Variants in STRAP observed in about 807,000 individuals in gnomAD.
STRAP encodes serine/threonine kinase receptor associated protein.
In STRAP, 16 loss-of-function variants were observed where a neutral mutation model predicts 47.0. The ratio of observed to expected loss-of-function variants is 0.34; its 90% confidence interval spans 0.23 to 0.52. The LOEUF is 0.52. Among genes scored for constraint, STRAP ranks in the 20% least tolerant of loss-of-function variants. STRAP has a pLI of 0.96. For missense variants in STRAP, 293 were observed against 420.0 expected (o/e 0.70, Z 2.64); for synonymous variants, 130 against 142.7 (o/e 0.91, Z 0.63).
intron 2 of STRAP, among the ~76,000 whole-genome samples, chr12:15,886,309 C>G (rs948904949): frequency 6.6e-6 from 1 of 152,012 alleles, no homozygotes; most frequent in Non-Finnish European, 1.5e-5. Context: ...CCAACCTCAG[C>G]CTCCTGAATA....
At position 15,897,870 on chromosome 12, in the gene STRAP, A is replaced by G. The variant is rs773312361; in HGVS notation, c.639-12A>G. The G allele has an allele frequency of 6.7e-7, 1 of 1,497,042 alleles. No individual in the cohort carries two copies. The highest frequency in any genetic ancestry group is 1.5e-5 in the African/African-American group (1 of 68,706). 92.7% of individuals were successfully genotyped at this position (1,497,042 alleles called of 1,614,324 possible). Reference sequence around the variant, plus strand: ...TTCAAGATTTGTAAATACTACTTAAATTTTTTTTCAGTTTGGACCCAATTA... The same window carrying G: ...TTCAAGATTTGTAAATACTACTTAAGTTTTTTTTCAGTTTGGACCCAATTA... On this transcript the variant is annotated splice_polypyrimidine_tract_variant and intron_variant, in intron 6 of 9. Transcript: ENST00000419869.
rs1259712097 is a variant in STRAP, at chr12:15,890,658, A to G, written c.392A>G (p.Lys131Arg). 6.2e-7 allele frequency: 1 copy of G among 1,608,648 alleles called. No homozygotes were observed. Among genetic ancestry groups the G allele is most frequent in the Non-Finnish European group, 8.5e-7 (1 of 1,178,144 alleles). The stretch of plus-strand genomic sequence containing the variant: ...CTGTTACGCATATATGACTTGAACA[A>G]ACCTGAAGCAGGTAAGCATAATTTA... The part of the protein sequence containing the change: ...DKLLRIYDLN[K>R]PEAEPKEISG... Residue 131 changes from lysine (K) to arginine (R), a missense_variant, in exon 4 of 10, where the codon AAA (lysine) becomes AGA (arginine). Physicochemically the swap from Lys to Arg is conservative, Grantham distance 26 (BLOSUM62 2). This residue lies in a region of STRAP where 152 missense variants were observed against 183.0 expected (regional missense o/e 0.83). Transcript: ENST00000419869. This position sits in a 1 kb window ranked among gnomAD's most constrained non-coding sequence, Gnocchi z 4.5.
At position 15,899,950 on chromosome 12, in the gene STRAP, T is replaced by C. The variant is rs545723988; in HGVS notation, c.822T>C (p.Ser274=). The C allele has an allele frequency of 6.2e-7, 1 of 1,613,676 alleles. No individual in the cohort carries two copies. The highest frequency in any genetic ancestry group is 2.2e-5 in the East Asian group (1 of 44,826). ...HFGPIHCVRF[S]PDGELYASGS... ...GTCCTATTCACTGTGTGAGATTTAGTCCTGATGGAGAACTCTATGCCAGTG... is the reference window on the plus strand; with the variant it reads ...GTCCTATTCACTGTGTGAGATTTAGCCCTGATGGAGAACTCTATGCCAGTG... The change falls in exon 8 of 10, where the codon AGT becomes AGC. Residue 274 remains serine, a synonymous_variant. Coordinates refer to ENST00000419869, the MANE Select transcript of STRAP (RefSeq NM_007178.4).
Position 15,896,303 on chromosome 12 carries a change from A to G in STRAP, c.638+807A>G, listed in dbSNP as rs560684087. 6.6e-6 allele frequency among the ~76,000 whole-genome samples: 1 copy of G among 152,356 alleles called. No individual in the cohort carries two copies. Among genetic ancestry groups the G allele is most frequent in the Non-Finnish European group, 1.5e-5 (1 of 68,034 alleles). ...ATTTATTTTCACCTTAAAGTTTTAG[A>G]GAAGGAATAATCTTATTTCTGTTCC... On this transcript the variant is annotated intron_variant, in intron 6 of 9. Transcript: ENST00000419869. The surrounding 1 kb of genome is among the most constrained non-coding windows in gnomAD (Gnocchi z 4.1).
chr12:15,889,100 T>C (rs370807181), intron 2 of STRAP, among the ~76,000 whole-genome samples: 1 of 152,006 alleles, frequency 6.6e-6, no homozygotes, highest in African/African-American at 2.4e-5. Context: ...TGACCTGTTC[T>C]GATCTAAAAT....
At position 15,882,666 on chromosome 12, in the gene STRAP, G is replaced by A. The variant is rs775793878; in HGVS notation, c.-42G>A. 9 of 1,540,708 alleles carry A rather than the reference G, an allele frequency of 5.8e-6. No individual in the cohort carries two copies. Among genetic ancestry groups the A allele is most frequent in the Admixed American group, 1.8e-5 (1 of 55,796 alleles). On this transcript the variant is annotated 5_prime_UTR_variant, in exon 1 of 10. Transcript: ENST00000419869. ...AGCAGAAGAGAGAAAAGACAACGAC[G>A]ACCCTCAGCTCGCCAGTCCGGTCGC... is the stretch of plus-strand genomic sequence containing the variant.
intron 2 of STRAP, among the ~76,000 whole-genome samples, chr12:15,885,276 C>T (rs190500981): frequency 5.8e-4 from 88 of 150,598 alleles, no homozygotes; most frequent in Middle Eastern, 3.4e-3. Flanking sequence ...GCAACCTCCA[C>T]CTCCCGGGTT....
Position 15,896,723 on chromosome 12 carries a change from T to A in STRAP, c.639-1159T>A, listed in dbSNP as rs1159015431. ...GCACCACGGTGAATGTTCTAGCACA[T>A]CTCTGAGTGTTTCTTTACAGTAGAT... On this transcript the variant is annotated intron_variant, in intron 6 of 9. Transcript: ENST00000419869. The surrounding 1 kb of genome is among the most constrained non-coding windows in gnomAD (Gnocchi z 4.1). Among the ~76,000 whole-genome samples the A allele has an allele frequency of 6.6e-6, 1 of 152,232 alleles. No individual in the cohort carries two copies. The highest frequency in any genetic ancestry group is 2.4e-5 in the African/African-American group (1 of 41,470).
chr12:15,898,538 C>T (rs745962387), intron 7 of STRAP, among the ~76,000 whole-genome samples: 1 of 151,998 alleles, frequency 6.6e-6, no homozygotes, highest in African/African-American at 2.4e-5. Context: ...TTATTTTTAT[C>T]AGCTTTTTAT....
chr12:15,899,364 T>G (rs978142311), intron 7 of STRAP, among the ~76,000 whole-genome samples: 10 of 152,250 alleles, frequency 6.6e-5, no homozygotes, highest in Non-Finnish European at 1.0e-4. Context: ...ATACATTTTC[T>G]CATTAGGTTC....
chr12:15,895,274 C>A, intron 5 of STRAP, 85 bp from the exon 6 acceptor site: 1 of 1,029,782 alleles, frequency 9.7e-7, no homozygotes, highest in Non-Finnish European at 1.3e-6. Flanking sequence ...ATTGTTCTTT[C>A]GTTGGCTAAT....
rs191805897 is a variant in STRAP, at chr12:15,893,286, C to T, written c.404-761C>T. On this transcript the variant is annotated intron_variant, in intron 4 of 9. Transcript: ENST00000419869. ...ACCCTTATTTCTCATTATTTACTAT[C>T]AATAGCTGCTTGGATAAACGTCCCA... is the stretch of plus-strand genomic sequence containing the variant. 1.1e-4 allele frequency among the ~76,000 whole-genome samples: 16 copies of T among 151,832 alleles called. No homozygotes were observed. The East Asian group carries it at 2.9e-3, about 28-fold the overall frequency.
intron 9 of STRAP, among the ~76,000 whole-genome samples, chr12:15,901,860 CAAAA>C (rs71042273): frequency 3.6e-4 from 32 of 87,762 alleles, no homozygotes; most frequent in African/African-American, 6.5e-4. Flanking sequence ...GACTCTGTCT[CAAAA>C]AAAAAAAAAA....
At position 15,895,275 on chromosome 12, in the gene STRAP, G is replaced by A. The variant is rs11056697; in HGVS notation, c.501-84G>A. 16,480 of 1,041,900 alleles carry A rather than the reference G, an allele frequency of 0.016. 1,625 individuals are homozygous for A. In the African/African-American group the frequency reaches 0.23, roughly 14 times the overall value. The allele number at this position is 1,041,900 out of a possible 1,614,324, so 64.5% of individuals were successfully genotyped here. A position where few individuals can be genotyped will look rare whatever the true frequency, so the allele number is the denominator to read the frequency against. On this transcript the variant is annotated intron_variant, in intron 5 of 9. Coordinates refer to ENST00000419869, the MANE Select transcript of STRAP (RefSeq NM_007178.4). ...TTTCTGTAATTGTGATTGTTCTTTC[G>A]TTGGCTAATCTGCAGATGTAATTAG...
chr12:15,900,778 GAAAGACATACTATTTTT>G, intron 8 of STRAP, 152 bp from the exon 9 acceptor site: 1 of 463,408 alleles, frequency 2.2e-6, no homozygotes, highest in Non-Finnish European at 3.5e-6. Flanking sequence ...TAATTTTAAA[GAAAGACATACTATTTTT>G]AGAATCACAG....
At chr12:15,884,692 G>A (rs918756169) in intron 2 of STRAP, among the ~76,000 whole-genome samples, 2 of 152,118 alleles carry the variant, frequency 1.3e-5, no homozygotes, top group East Asian at 3.8e-4. Flanking sequence ...GAACTACTGT[G>A]CCTGGTACAG....
rs901089290 is a variant in STRAP, at chr12:15,890,067, T to C, written c.330+58T>C. The C allele has an allele frequency of 7.0e-7, 1 of 1,418,944 alleles. No homozygotes were observed. The highest frequency in any genetic ancestry group is 1.0e-6 in the Non-Finnish European group (1 of 1,003,560). 87.9% of individuals were successfully genotyped at this position (1,418,944 alleles called of 1,614,324 possible). A position where few individuals can be genotyped will look rare whatever the true frequency, so the allele number is the denominator to read the frequency against. On this transcript the variant is annotated intron_variant, in intron 3 of 9. Transcript: ENST00000419869. This position sits in a 1 kb window ranked among gnomAD's most constrained non-coding sequence, Gnocchi z 4.5. ...AAGTTGCTGGTACATAGTGTGATAATGCTTTTATACTTGATTGGTGTGTAT... is the reference window on the plus strand; with the variant it reads ...AAGTTGCTGGTACATAGTGTGATAACGCTTTTATACTTGATTGGTGTGTAT...
rs1273534861 is a variant in STRAP at position 15,896,933 on chromosome 12, G to C, written c.639-949G>C. Among the ~76,000 whole-genome samples, 8 of 152,206 alleles carry C rather than the reference G, an allele frequency of 5.3e-5. No individual in the cohort carries two copies. In the East Asian group the frequency reaches 5.8e-4, roughly 11 times the overall value. ...AAGAAAAGGCGGTAAAATTGGAGGA[G>C]AGCAATTAAGCAATGTCAAGGAGTT... On this transcript the variant is annotated intron_variant, in intron 6 of 9. Transcript: ENST00000419869. This position sits in a 1 kb window ranked among gnomAD's most constrained non-coding sequence, Gnocchi z 4.1.
chr12:15,901,654 AG>A, intron 9 of STRAP, among the ~76,000 whole-genome samples: 1 of 152,112 alleles, frequency 6.6e-6, no homozygotes. Context: ...TTGCCTTGGT[AG>A]TTCAAGACCA....
Sources: gnomAD v4.1 joint callset for allele counts (sites outside exome capture counted in the v4.1 genomes callset) on GRCh38, gnomAD v4.1.1 for gene constraint, gnomAD v4.1.1 regional missense constraint, Gnocchi (gnomAD v3.1) non-coding constraint, MANE v1.5 for transcripts, NCBI Gene and HGNC (gene_info 2026-07-23, HGNC 2026-07-21) for gene names.